GNAL: variants seen among roughly 807,000 people sequenced by gnomAD.
GNAL encodes G protein subunit alpha L, also known as guanine nucleotide-binding protein G(olf) subunit alpha.
A neutral mutation model predicts 55.1 loss-of-function variants in GNAL; 18 were observed. The observed-to-expected ratio is 0.33, with a 90% CI of 0.23 to 0.48. The LOEUF (loss-of-function observed/expected upper bound fraction) is 0.48, where lower values mean the gene tolerates loss of function less well. Among genes scored for constraint, GNAL ranks in the 20% least tolerant of loss-of-function variants. GNAL has a pLI of 0.99. For missense variants in GNAL, 412 were observed against 614.1 expected (o/e 0.67, Z 3.48); for synonymous variants, 253 against 237.0 (o/e 1.07, Z -0.62).
rs138057917 is a variant in GNAL, at chr18:11,730,731, C to T, written c.377-22122C>T. 3.5e-3 allele frequency among the ~76,000 whole-genome samples: 533 copies of T among 151,616 alleles called. 5 individuals carry two copies. The highest frequency in any genetic ancestry group is 0.012 in the African/African-American group (510 of 41,256). On this transcript the variant is annotated intron_variant, in intron 1 of 11. Coordinates refer to ENST00000334049, the MANE Select transcript of GNAL (RefSeq NM_182978.4). ...GTGACCTGAGATCGCGTCACTGCAC[C>T]CCAGCCTGGGTAACAGAGTGAGACT... is the stretch of plus-strand genomic sequence containing the variant.
rs576979904 is a variant in GNAL at position 11,751,574 on chromosome 18, C to T, written c.377-1279C>T. The T allele has an allele frequency of 5.1e-6, 5 of 985,492 alleles. No homozygotes were observed. In the Admixed American group the frequency reaches 1.8e-4, roughly 36 times the overall value. The allele number at this position is 985,492 out of a possible 1,614,324, so 61.0% of individuals were successfully genotyped here. A position where few individuals can be genotyped will look rare whatever the true frequency, so the allele number is the denominator to read the frequency against. On this transcript the variant is annotated intron_variant, in intron 1 of 11. Transcript: ENST00000334049. The surrounding 1 kb of genome is among the most constrained non-coding windows in gnomAD (Gnocchi z 4.5). ...TGATCCTCCGCGAGTCTTCGCCCGC[C>T]AGGAGCAGGGACGCGTCCGAGCCAA... is the stretch of plus-strand genomic sequence containing the variant.
intron 1 of GNAL, among the ~76,000 whole-genome samples, chr18:11,725,915 C>G (rs1007862136): frequency 5.0e-4 from 76 of 152,208 alleles, no homozygotes; most frequent in African/African-American, 1.8e-3. Flanking sequence ...AGTTCCTGTT[C>G]CTCCACATCC....
At chr18:11,826,430 A>T (rs1033005513) in intron 5 of GNAL, among the ~76,000 whole-genome samples, 1 of 152,072 alleles carries the variant, frequency 6.6e-6, no homozygotes, top group Admixed American at 6.5e-5. Context: ...GCTCATAAAG[A>T]AGTGAGGGAG....
At chr18:11,803,900 G>A (rs2034588530) in intron 4 of GNAL, among the ~76,000 whole-genome samples, 1 of 151,126 alleles carries the variant, frequency 6.6e-6, no homozygotes, top group African/African-American at 2.4e-5. Flanking sequence ...TAGTGGTGAA[G>A]TACAGGTGCA....
At chr18:11,849,028 A>T (rs1167725176) in intron 5 of GNAL, among the ~76,000 whole-genome samples, 1 of 152,194 alleles carries the variant, frequency 6.6e-6, no homozygotes, top group Non-Finnish European at 1.5e-5. Context: ...AACTGGAGAC[A>T]TTTATAGTAT....
intron 1 of GNAL, among the ~76,000 whole-genome samples, chr18:11,707,594 A>G (rs1279147884): frequency 1.3e-5 from 2 of 152,220 alleles, no homozygotes; most frequent in Non-Finnish European, 2.9e-5. Context: ...GTAAATGAGC[A>G]TTGATTTCAA....
chr18:11,751,358 C>A lies in GNAL; in HGVS notation c.377-1495C>A. On this transcript the variant is annotated intron_variant, in intron 1 of 11. Transcript: ENST00000334049. The surrounding 1 kb of genome is among the most constrained non-coding windows in gnomAD (Gnocchi z 4.5). ...CTCTGCTACAACGCCAAGTTCGAGGCCACAGTGCCTTCTGGAAGAGTTGTT... is the reference window on the plus strand; with the variant it reads ...CTCTGCTACAACGCCAAGTTCGAGGACACAGTGCCTTCTGGAAGAGTTGTT... 3.8e-6 allele frequency: 1 copy of A among 263,772 alleles called. No individual in the cohort carries two copies. Among genetic ancestry groups the A allele is most frequent in the Non-Finnish European group, 5.9e-6 (1 of 170,146 alleles). The allele number at this position is 263,772 out of a possible 1,614,324, so 16.3% of individuals were successfully genotyped here.
chr18:11,779,191 A>G (rs2033863533), intron 4 of GNAL, among the ~76,000 whole-genome samples: 1 of 152,212 alleles, frequency 6.6e-6, no homozygotes, highest in Non-Finnish European at 1.5e-5. Context: ...CTACTGCGAA[A>G]TGGAAAGCAG....
At chr18:11,697,907 T>C (rs921176182) in intron 1 of GNAL, among the ~76,000 whole-genome samples, 8 of 152,120 alleles carry the variant, frequency 5.3e-5, no homozygotes, top group Non-Finnish European at 2.9e-5. Context: ...TCAGAGAGGC[T>C]GCAGAGCCAG....
intron 8 of GNAL, among the ~76,000 whole-genome samples, chr18:11,867,772 C>T (rs1219005977): frequency 6.6e-6 from 1 of 150,842 alleles, no homozygotes; most frequent in Non-Finnish European, 1.5e-5. Context: ...TGAGATCGCA[C>T]CACTGCAGCA....
chr18:11,690,019 G>T, intron 1 of GNAL, 80 bp downstream of exon 1: 1 of 859,718 alleles, frequency 1.2e-6, no homozygotes, highest in Non-Finnish European at 1.5e-6. Flanking sequence ...CCGGGGAGCG[G>T]TGGCGGGCAC....
chr18:11,851,855 T>C, intron 5 of GNAL: 1 of 1,613,956 alleles, frequency 6.2e-7, no homozygotes, highest in South Asian at 1.1e-5. Context: ...TCTGCTTTGA[T>C]GGACAAATTC....
chr18:11,840,143 AG>A (rs1250951082), intron 5 of GNAL, among the ~76,000 whole-genome samples: 2 of 152,242 alleles, frequency 1.3e-5, no homozygotes, highest in Non-Finnish European at 2.9e-5. Context: ...CCACACAAAT[AG>A]AATTTCCATT....
chr18:11,814,424 A>T (rs1435406321), intron 4 of GNAL, among the ~76,000 whole-genome samples: 1 of 152,168 alleles, frequency 6.6e-6, no homozygotes, highest in Non-Finnish European at 1.5e-5. Context: ...GCTACTTGGG[A>T]GGCTGAGGCA....
intron 11 of GNAL, among the ~76,000 whole-genome samples, chr18:11,879,878 C>A (rs2036622228): frequency 6.7e-6 from 1 of 149,330 alleles, no homozygotes; most frequent in Non-Finnish European, 1.5e-5. Flanking sequence ...CCCTGCTTAG[C>A]AGATGCTAAA....
At chr18:11,730,779 T>A (rs1255745941) in intron 1 of GNAL, among the ~76,000 whole-genome samples, 1 of 151,504 alleles carries the variant, frequency 6.6e-6, no homozygotes, top group East Asian at 2.0e-4. Context: ...GGAAAAAAAA[T>A]AAAATAAAAT....
intron 1 of GNAL, among the ~76,000 whole-genome samples, chr18:11,748,525 C>CA (rs35611946): frequency 1.3e-5 from 2 of 151,920 alleles, no homozygotes; most frequent in African/African-American, 2.4e-5. Context: ...TATTTTGGTA[C>CA]TTTTTCATCA....
At chr18:11,723,391 C>G (rs574954179) in intron 1 of GNAL, among the ~76,000 whole-genome samples, 1 of 152,320 alleles carries the variant, frequency 6.6e-6, no homozygotes, top group Non-Finnish European at 1.5e-5. Flanking sequence ...TTAGCTCATA[C>G]AAAAACAGGC....
intron 5 of GNAL, among the ~76,000 whole-genome samples, chr18:11,837,310 T>TA (rs1358180894): frequency 6.6e-6 from 1 of 152,148 alleles, no homozygotes; most frequent in African/African-American, 2.4e-5. Flanking sequence ...TAGAGGTCCT[T>TA]ATGATTCAAG....
Sources: gnomAD v4.1 joint callset for allele counts (sites outside exome capture counted in the v4.1 genomes callset) on GRCh38, gnomAD v4.1.1 for gene constraint, Gnocchi (gnomAD v3.1) non-coding constraint, MANE v1.5 for transcripts, NCBI Gene and HGNC (gene_info 2026-07-23, HGNC 2026-07-21) for gene names.